WWOX: variants seen among roughly 807,000 people sequenced by gnomAD.
The protein encoded by WWOX is WW domain containing oxidoreductase.
Under a neutral mutation model 46.2 loss-of-function variants are expected in WWOX, and 69 were observed. The observed-to-expected ratio is 1.49, with a 90% CI of 1.23 to 1.82. The LOEUF is 1.82. WWOX is among the 40% of genes most tolerant of loss of function. WWOX has a pLI of 0.00. For missense variants in WWOX, 919 were observed against 542.6 expected (o/e 1.69, Z -6.89); for synonymous variants, 359 against 202.6 (o/e 1.77, Z -6.56).
At chr16:78,672,074 T>G (rs986922263) in intron 8 of WWOX, among the ~76,000 whole-genome samples, 12 of 152,228 alleles carry the variant, frequency 7.9e-5, no homozygotes, top group African/African-American at 2.9e-4. Flanking sequence ...AAAAGCATTC[T>G]GTTATCTTAC....
At chr16:78,938,996 T>A (rs2045798212) in intron 8 of WWOX, among the ~76,000 whole-genome samples, 1 of 152,182 alleles carries the variant, frequency 6.6e-6, no homozygotes, top group Non-Finnish European at 1.5e-5. Flanking sequence ...GATTGAAATC[T>A]GATGTGGATG....
chr16:78,727,098 A>G (rs1478618011), intron 8 of WWOX, among the ~76,000 whole-genome samples: 2 of 152,148 alleles, frequency 1.3e-5, no homozygotes, highest in African/African-American at 2.4e-5. Flanking sequence ...GCATCCATGG[A>G]ATATGAAAAA....
intron 8 of WWOX, among the ~76,000 whole-genome samples, chr16:79,189,514 C>T (rs1197016502): frequency 6.6e-5 from 10 of 150,988 alleles, no homozygotes; most frequent in Middle Eastern, 3.5e-3. Context: ...TTGGCCAGGC[C>T]GGTCTCAAAC....
At chr16:78,363,272 A>G (rs1597102826) in intron 5 of WWOX, among the ~76,000 whole-genome samples, 1 of 148,588 alleles carries the variant, frequency 6.7e-6, no homozygotes, top group Middle Eastern at 3.5e-3. Flanking sequence ...AGTTTGGGGC[A>G]TTTTTGAGGG....
intron 5 of WWOX, among the ~76,000 whole-genome samples, chr16:78,304,869 C>T (rs199855497): frequency 9.9e-5 from 15 of 152,148 alleles, no homozygotes; most frequent in African/African-American, 2.9e-4. Flanking sequence ...TGACACATTT[C>T]GCTAGCATTG....
At chr16:79,201,076 C>T (rs2051339802) in intron 8 of WWOX, among the ~76,000 whole-genome samples, 1 of 152,134 alleles carries the variant, frequency 6.6e-6, no homozygotes, top group Non-Finnish European at 1.5e-5. Context: ...ATTATGTCGA[C>T]TTTCCAGATG....
chr16:79,031,025 T>G (rs749152211), intron 8 of WWOX, among the ~76,000 whole-genome samples: 7 of 148,956 alleles, frequency 4.7e-5, no homozygotes, highest in Non-Finnish European at 1.0e-4. Context: ...CTGGGGAGGT[T>G]GAGGCCGCAG....
At chr16:78,483,769 G>GTTTATTTATT in intron 8 of WWOX, among the ~76,000 whole-genome samples, 1 of 151,862 alleles carries the variant, frequency 6.6e-6, no homozygotes, top group African/African-American at 2.4e-5. Context: ...TCACACCTTT[G>GTTTATTTATT]GAAATCAAGG....
chr16:78,948,853 G>T (rs1431528784), intron 8 of WWOX, among the ~76,000 whole-genome samples: 2 of 152,096 alleles, frequency 1.3e-5, no homozygotes, highest in Non-Finnish European at 2.9e-5. Context: ...TGATTAGCAT[G>T]GATCAGAGTT....
chr16:78,321,306 A>ATATATATACG lies in WWOX; in HGVS notation c.517-65547_517-65546insACGTATATAT, dbSNP rs1870459351. Among the ~76,000 whole-genome samples, 23 of 74,214 alleles carry ATATATATACG rather than the reference A, an allele frequency of 3.1e-4. 1 individual carries two copies. The highest frequency in any genetic ancestry group is 6.6e-4 in the Non-Finnish European group (23 of 34,812). The allele number at this position is 74,214 out of a possible 152,430, so 48.7% of individuals were successfully genotyped here. On this transcript the variant is annotated intron_variant, in intron 5 of 8. Transcript: ENST00000566780. ...TATATATATACGTATATATATACGT[A>ATATATATACG]TATATATGCGTATATATATACGTAT... is the stretch of plus-strand genomic sequence containing the variant.
intron 8 of WWOX, among the ~76,000 whole-genome samples, chr16:78,708,534 G>T (rs912940443): frequency 6.6e-6 from 1 of 152,056 alleles, no homozygotes; most frequent in South Asian, 2.1e-4. Context: ...TGCATACTCT[G>T]TTGCTTATCA....
At chr16:78,921,033 C>A (rs900907086) in intron 8 of WWOX, among the ~76,000 whole-genome samples, 1 of 152,126 alleles carries the variant, frequency 6.6e-6, no homozygotes, top group Non-Finnish European at 1.5e-5. Context: ...CTTTGCCAGT[C>A]CAATATAGGT....
At chr16:78,249,418 C>T (rs1280505425) in intron 5 of WWOX, among the ~76,000 whole-genome samples, 1 of 152,212 alleles carries the variant, frequency 6.6e-6, no homozygotes, top group Non-Finnish European at 1.5e-5. Context: ...GTAGCTACCT[C>T]CAGTGCACGC....
At chr16:79,129,389 T>C (rs1382168187) in intron 8 of WWOX, among the ~76,000 whole-genome samples, 1 of 147,732 alleles carries the variant, frequency 6.8e-6, no homozygotes, top group Non-Finnish European at 1.5e-5. Flanking sequence ...GCAGTCTATC[T>C]CGTATGGAAC....
At chr16:78,886,917 C>G (rs970989312) in intron 8 of WWOX, among the ~76,000 whole-genome samples, 2 of 151,946 alleles carry the variant, frequency 1.3e-5, no homozygotes, top group African/African-American at 2.4e-5. Context: ...AACTAGTTCA[C>G]CAAAGCTTCT....
chr16:79,019,157 CAAAAA>C (rs903333994), intron 8 of WWOX, among the ~76,000 whole-genome samples: 6 of 24,570 alleles, frequency 2.4e-4, no homozygotes, highest in African/African-American at 3.1e-4. Context: ...GACCTTGTCT[CAAAAA>C]AAAAAAAAAA....
chr16:78,998,068 G>T (rs567457128), intron 8 of WWOX, among the ~76,000 whole-genome samples: 2 of 152,148 alleles, frequency 1.3e-5, no homozygotes, highest in East Asian at 3.9e-4. Flanking sequence ...TAAAGACAGG[G>T]TTTCTCCCTG....
intron 8 of WWOX, among the ~76,000 whole-genome samples, chr16:78,757,224 T>G (rs1748554973): frequency 6.6e-6 from 1 of 152,208 alleles, no homozygotes; most frequent in South Asian, 2.1e-4. Flanking sequence ...TTTGGGATAA[T>G]TTGTTATACA....
chr16:78,163,808 A>T (rs1291073482), intron 4 of WWOX, among the ~76,000 whole-genome samples: 1 of 152,184 alleles, frequency 6.6e-6, no homozygotes, highest in African/African-American at 2.4e-5. Context: ...TGATGGTTAA[A>T]TGGCTGGACA....
Sources: gnomAD v4.1 joint callset for allele counts (sites outside exome capture counted in the v4.1 genomes callset) on GRCh38, gnomAD v4.1.1 for gene constraint, MANE v1.5 for transcripts, NCBI Gene and HGNC (gene_info 2026-07-23, HGNC 2026-07-21) for gene names.